Variants in APAF1 observed in about 807,000 individuals in gnomAD.
APAF1 encodes the protein apoptotic protease-activating factor 1.
A neutral mutation model predicts 152.4 loss-of-function variants in APAF1; 91 were observed. That is an observed-to-expected ratio of 0.60 (90% confidence interval 0.50 to 0.71). The LOEUF (loss-of-function observed/expected upper bound fraction) is 0.71, where lower values mean the gene tolerates loss of function less well. Among genes scored for constraint, APAF1 ranks in the 30% least tolerant of loss-of-function variants. The pLI is 0.00. For synonymous variants in APAF1, 484 were observed against 494.1 expected, an observed-to-expected ratio of 0.98 and a Z score of 0.27; for missense variants, 1,283 against 1,472.0, an observed-to-expected ratio of 0.87 and a Z score of 2.10.
intron 13 of APAF1, among the ~76,000 whole-genome samples, chr12:98,679,412 A>G (rs973110695): frequency 2.0e-5 from 3 of 152,058 alleles, no homozygotes; most frequent in Non-Finnish European, 4.4e-5. Flanking sequence ...TTATTGAGCT[A>G]TTTTATCGCT....
intron 7 of APAF1, 71 bp downstream of exon 7, chr12:98,662,877 A>C (rs2097667326): frequency 8.8e-6 from 13 of 1,469,578 alleles, no homozygotes; most frequent in Non-Finnish European, 7.5e-6. Flanking sequence ...AATTGAGCTA[A>C]TGAATATGGT....
At chr12:98,685,376 G>A (rs1214983643) in intron 15 of APAF1, among the ~76,000 whole-genome samples, 35 of 145,822 alleles carry the variant, frequency 2.4e-4, no homozygotes, top group Middle Eastern at 3.6e-3. Flanking sequence ...TTGCTCTGTC[G>A]CCAGGCTGGA....
chr12:98,673,458 A>C (rs905249423), intron 12 of APAF1, among the ~76,000 whole-genome samples: 2 of 146,114 alleles, frequency 1.4e-5, no homozygotes, highest in African/African-American at 2.6e-5. Context: ...AAAAAAAAAC[A>C]AAAAAAAAAC....
intron 15 of APAF1, 101 bp from the exon 16 acceptor site, chr12:98,686,647 C>A: frequency 8.3e-7 from 1 of 1,202,270 alleles, no homozygotes; most frequent in Non-Finnish European, 1.2e-6. Context: ...ATTCTGTAAT[C>A]AAAAAGCTTA....
intron 22 of APAF1, among the ~76,000 whole-genome samples, chr12:98,722,192 T>C (rs1281588208): frequency 6.6e-6 from 1 of 152,222 alleles, no homozygotes; most frequent in East Asian, 1.9e-4. Context: ...AGTTTGTGAA[T>C]CACACTTTAA....
chr12:98,724,442 C>G (rs2097747498), intron 24 of APAF1, among the ~76,000 whole-genome samples: 1 of 152,208 alleles, frequency 6.6e-6, no homozygotes, highest in South Asian at 2.1e-4. Context: ...GGTTTATAGG[C>G]CAACCACTTA....
rs146390216 is a variant in APAF1, at chr12:98,723,777, A to G, written c.3330+13A>G. Reference sequence around the variant, plus strand: ...CAAGACTGCAAAGGTAGGTCAATCAATTGAAACCATGCATAAAACTTTGGT... The same window carrying G: ...CAAGACTGCAAAGGTAGGTCAATCAGTTGAAACCATGCATAAAACTTTGGT... On this transcript the variant is annotated intron_variant, in intron 24 of 26. Coordinates refer to ENST00000551964, the MANE Select transcript of APAF1 (RefSeq NM_181861.2). The G allele has an allele frequency of 5.0e-4, 814 of 1,613,702 alleles. 4 individuals carry two copies. The African/African-American group carries it at 9.0e-3, about 18-fold the overall frequency.
chr12:98,656,421 C>G (rs776327563), intron 4 of APAF1, among the ~76,000 whole-genome samples: 2 of 152,324 alleles, frequency 1.3e-5, no homozygotes, highest in South Asian at 2.1e-4. Context: ...TAGGAGTAAG[C>G]AGTAGGGCTT....
In APAF1 at chr12:98,666,377, C is replaced by CA; in HGVS notation, c.1362+20_1362+21insA. Reference sequence around the variant, plus strand: ...CTTCAGGTACTTGCATCTTGGTTTACTTTTTTTTTTCCTTTTTCCTTTGAA... The same window carrying CA: ...CTTCAGGTACTTGCATCTTGGTTTACATTTTTTTTTTCCTTTTTCCTTTGAA... On this transcript the variant is annotated intron_variant, in intron 9 of 26. Transcript: ENST00000551964. 1 of 1,505,178 alleles carries CA rather than the reference C, an allele frequency of 6.6e-7. No homozygotes were observed. The allele number at this position is 1,505,178 out of a possible 1,614,324, so 93.2% of individuals were successfully genotyped here.
intron 16 of APAF1, among the ~76,000 whole-genome samples, chr12:98,689,455 A>T (rs1229077167): frequency 6.9e-6 from 1 of 145,368 alleles, no homozygotes; most frequent in African/African-American, 2.6e-5. Context: ...AGAGAGAGAG[A>T]GAGAGAGAGT....
intron 17 of APAF1, among the ~76,000 whole-genome samples, chr12:98,700,311 G>T (rs1232218349): frequency 6.6e-6 from 1 of 152,136 alleles, no homozygotes; most frequent in East Asian, 1.9e-4. Context: ...CTGATTTATG[G>T]CTCACTTACA....
intron 4 of APAF1, among the ~76,000 whole-genome samples, chr12:98,654,627 C>T (rs1251791856): frequency 3.3e-5 from 5 of 151,846 alleles, no homozygotes; most frequent in African/African-American, 4.8e-5. Flanking sequence ...AGGTTGGTTT[C>T]GAACACCTGA....
At chr12:98,665,278 A>ATATATATATATATATATATATATATTTTT (rs1491316422) in intron 7 of APAF1, among the ~76,000 whole-genome samples, 1 of 66,012 alleles carries the variant, frequency 1.5e-5, no homozygotes, top group Non-Finnish European at 2.9e-5. Context: ...ATATATATAT[A>ATATATATATATATATATATATATATTTTT]TTTTTTTTTT....
At chr12:98,712,286 C>T (rs779969240) in intron 20 of APAF1, 33 bp from the exon 21 acceptor site, 66 of 1,244,802 alleles carry the variant, frequency 5.3e-5, no homozygotes, top group Non-Finnish European at 7.8e-5. Context: ...GCTCTTACAG[C>T]CTAATAACTG....
chr12:98,648,995 TTTC>T, intron 3 of APAF1, 180 bp downstream of exon 3: 1 of 772,598 alleles, frequency 1.3e-6, no homozygotes, highest in Non-Finnish European at 2.1e-6. Flanking sequence ...ACTCTCAACT[TTTC>T]TTCTTGCCCA....
chr12:98,728,922 A>G (rs904109734), intron 26 of APAF1, among the ~76,000 whole-genome samples: 1 of 152,076 alleles, frequency 6.6e-6, no homozygotes, highest in Non-Finnish European at 1.5e-5. Context: ...TCTTTTATCT[A>G]TCCACTCAAA....
intron 4 of APAF1, among the ~76,000 whole-genome samples, chr12:98,653,689 A>ACTAT (rs1335358276): frequency 4.2e-5 from 1 of 23,968 alleles, no homozygotes; most frequent in African/African-American, 1.4e-4. Flanking sequence ...AAAAAAAAAA[A>ACTAT]AAATATATAT....
chr12:98,692,889 C>T (rs1352962533), intron 16 of APAF1, among the ~76,000 whole-genome samples: 2 of 151,928 alleles, frequency 1.3e-5, no homozygotes, highest in African/African-American at 4.8e-5. Context: ...GATTTGTTTT[C>T]CTTTGGGTGT....
chr12:98,648,574 T>C, intron 2 of APAF1, 52 bp from the exon 3 acceptor site: 5 of 1,609,906 alleles, frequency 3.1e-6, no homozygotes, highest in Non-Finnish European at 4.2e-6. Flanking sequence ...TCCACTACTT[T>C]ATGTTGCATA....
Sources: gnomAD v4.1 joint callset for allele counts (sites outside exome capture counted in the v4.1 genomes callset) on GRCh38, gnomAD v4.1.1 for gene constraint, MANE v1.5 for transcripts, NCBI Gene and HGNC (gene_info 2026-07-23, HGNC 2026-07-21) for gene names.